The following ANKS1B variants were observed in gnomAD, a reference collection of about 807,000 sequenced individuals.
The protein encoded by ANKS1B is ankyrin repeat and sterile alpha motif domain containing 1B, also known as ankyrin repeat and sterile alpha motif domain-containing protein 1B.
A neutral mutation model predicts 148.3 loss-of-function variants in ANKS1B; 36 were observed. The observed-to-expected ratio is 0.24, with a 90% CI of 0.19 to 0.32. The LOEUF is 0.32. ANKS1B is among the 10% of genes least tolerant of loss of function. The pLI, the probability that ANKS1B is intolerant of heterozygous loss-of-function variation, is 1.00. For synonymous variants in ANKS1B, 542 were observed against 560.8 expected, an observed-to-expected ratio of 0.97 and a Z score of 0.47; for missense variants, 1,157 against 1,542.6, an observed-to-expected ratio of 0.75 and a Z score of 4.19.
At chr12:99,626,650 C>T (rs982899996) in intron 9 of ANKS1B, among the ~76,000 whole-genome samples, 4 of 152,156 alleles carry the variant, frequency 2.6e-5, no homozygotes, top group African/African-American at 9.7e-5. Context: ...CTTTACCCAC[C>T]TTTATAATAG....
At chr12:99,219,014 C>T (rs1382993734) in intron 14 of ANKS1B, among the ~76,000 whole-genome samples, 1 of 152,132 alleles carries the variant, frequency 6.6e-6, no homozygotes. Flanking sequence ...GCTTGATTGA[C>T]ACAAATAATC....
chr12:98,813,980 A>G (rs1443999123), intron 19 of ANKS1B, among the ~76,000 whole-genome samples: 1 of 152,160 alleles, frequency 6.6e-6, no homozygotes, highest in Non-Finnish European at 1.5e-5. Context: ...TCCCGGGTTC[A>G]AGTGATTCTC....
At chr12:99,383,063 C>G (rs1174441880) in intron 12 of ANKS1B, among the ~76,000 whole-genome samples, 4 of 152,040 alleles carry the variant, frequency 2.6e-5, no homozygotes, top group Non-Finnish European at 5.9e-5. Context: ...ACAGCCTGAT[C>G]TAAGCTGCTA....
intron 10 of ANKS1B, among the ~76,000 whole-genome samples, chr12:99,458,447 A>G (rs1374583190): frequency 2.0e-5 from 3 of 151,796 alleles, no homozygotes; most frequent in Non-Finnish European, 2.9e-5. Context: ...ATTGAAAAAA[A>G]AAAAATACAA....
intron 12 of ANKS1B, among the ~76,000 whole-genome samples, chr12:99,334,890 C>T (rs2088458284): frequency 1.3e-5 from 2 of 152,022 alleles, no homozygotes; most frequent in Non-Finnish European, 2.9e-5. Context: ...GACAGTCTTT[C>T]CTTCTCTTAC....
intron 9 of ANKS1B, among the ~76,000 whole-genome samples, chr12:99,536,200 T>G (rs1043305651): frequency 3.3e-5 from 5 of 152,206 alleles, no homozygotes; most frequent in Admixed American, 2.6e-4. Flanking sequence ...ACATCAAGAA[T>G]GAACCCTAAT....
At chr12:99,086,938 G>A (rs1035287599) in intron 15 of ANKS1B, among the ~76,000 whole-genome samples, 1 of 152,290 alleles carries the variant, frequency 6.6e-6, no homozygotes, top group South Asian at 2.1e-4. Flanking sequence ...TGATTCTGGG[G>A]CATGGAGACC....
chr12:99,701,590 G>A (rs1486433390), intron 8 of ANKS1B, among the ~76,000 whole-genome samples: 1 of 151,500 alleles, frequency 6.6e-6, no homozygotes, highest in Non-Finnish European at 1.5e-5. Flanking sequence ...TATTATTGCC[G>A]ACTACAGACA....
chr12:99,685,741 T>C (rs950516901), intron 8 of ANKS1B, among the ~76,000 whole-genome samples: 1 of 148,220 alleles, frequency 6.7e-6, no homozygotes, highest in African/African-American at 2.5e-5. Flanking sequence ...TGTGTGTGTG[T>C]GTATACATAT....
At chr12:99,885,179 T>G (rs2092755946) in intron 1 of ANKS1B, among the ~76,000 whole-genome samples, 1 of 152,160 alleles carries the variant, frequency 6.6e-6, no homozygotes, top group Admixed American at 6.5e-5. Flanking sequence ...GGCTAAATGC[T>G]ATTTGATTTT....
At chr12:99,919,535 C>T (rs1331333522) in intron 1 of ANKS1B, among the ~76,000 whole-genome samples, 1 of 151,968 alleles carries the variant, frequency 6.6e-6, no homozygotes, top group Non-Finnish European at 1.5e-5. Context: ...CACAGATTCA[C>T]AAGAAGAGGA....
chr12:99,244,236 G>T (rs2089900686), intron 14 of ANKS1B, 106 bp downstream of exon 14: 2 of 719,618 alleles, frequency 2.8e-6, no homozygotes, highest in Non-Finnish European at 4.6e-6. Flanking sequence ...ATAATTTGTA[G>T]TTATTGTTAT....
At chr12:99,312,379 A>G (rs900995494) in intron 12 of ANKS1B, among the ~76,000 whole-genome samples, 1 of 152,182 alleles carries the variant, frequency 6.6e-6, no homozygotes, top group Admixed American at 6.6e-5. Context: ...GGTGGGAACA[A>G]GAAGACCTAT....
intron 8 of ANKS1B, among the ~76,000 whole-genome samples, chr12:99,699,055 C>T (rs1488726812): frequency 6.6e-6 from 1 of 152,138 alleles, no homozygotes; most frequent in African/African-American, 2.4e-5. Context: ...TTTATTCATT[C>T]ACTTATTTTT....
intron 17 of ANKS1B, among the ~76,000 whole-genome samples, chr12:98,960,151 C>G (rs2099868803): frequency 6.6e-6 from 1 of 152,120 alleles, no homozygotes; most frequent in Non-Finnish European, 1.5e-5. Flanking sequence ...AATAGCCAGG[C>G]AGTGGTTACC....
intron 12 of ANKS1B, among the ~76,000 whole-genome samples, chr12:99,307,836 A>G (rs2082567009): frequency 1.3e-5 from 2 of 152,184 alleles, no homozygotes. Flanking sequence ...GCTGTAGTGG[A>G]AAAAACAATT....
chr12:98,902,236 C>G (rs746502183), intron 17 of ANKS1B, among the ~76,000 whole-genome samples: 2 of 152,242 alleles, frequency 1.3e-5, no homozygotes, highest in Non-Finnish European at 2.9e-5. Flanking sequence ...CATTGAGCCA[C>G]AGCTAAGATT....
intron 15 of ANKS1B, among the ~76,000 whole-genome samples, chr12:99,117,354 T>C (rs1258471829): frequency 6.6e-6 from 1 of 152,200 alleles, no homozygotes; most frequent in African/African-American, 2.4e-5. Flanking sequence ...ATAGCTCTTA[T>C]TATTTTGAGA....
intron 1 of ANKS1B, among the ~76,000 whole-genome samples, chr12:99,921,066 T>C (rs1172672724): frequency 6.6e-6 from 1 of 152,172 alleles, no homozygotes; most frequent in Non-Finnish European, 1.5e-5. Context: ...AGTCTTTCTA[T>C]CAGAGGCTTC....
Sources: allele counts gnomAD v4.1 joint callset (sites outside exome capture counted in the v4.1 genomes callset), GRCh38; gene constraint gnomAD v4.1.1; transcripts MANE v1.5; gene names NCBI Gene and HGNC (gene_info 2026-07-23, HGNC 2026-07-21).